The following KCNC4 variants were observed in gnomAD, a reference collection of about 807,000 sequenced individuals.
The protein encoded by KCNC4 is voltage-gated potassium channel KCNC4.
A neutral mutation model predicts 42.8 loss-of-function variants in KCNC4; 23 were observed. That is an observed-to-expected ratio of 0.54 (90% CI 0.39 to 0.76). KCNC4 has a LOEUF of 0.76. Among genes scored for constraint, KCNC4 ranks in the 30% least tolerant of loss-of-function variants. The pLI is 0.00. For synonymous variants in KCNC4, 422 were observed against 393.5 expected, an observed-to-expected ratio of 1.07 and a Z score of -0.86; for missense variants, 751 against 898.2, an observed-to-expected ratio of 0.84 and a Z score of 2.10.
At chr1:110,240,538 C>T (rs1659008748) in exon 4 of KCNC4, 1 of 152,444 alleles carries the variant, frequency 6.6e-6, no homozygotes, top group Non-Finnish European at 1.5e-5. Context: ...CTCCTTGCCT[C>T]AGCCCTGGGG....
At chr1:110,275,701 G>A (rs1659706654) in intron 1 of KCNC4, among the ~76,000 whole-genome samples, 1 of 152,170 alleles carries the variant, frequency 6.6e-6, no homozygotes, top group Admixed American at 6.5e-5. Context: ...GGATGTCCCT[G>A]TAATCCCAGC....
rs151032487 is a variant in KCNC4 at position 110,223,143 on chromosome 1, C to T, written c.858C>T (p.Gly286=). Residue 286 remains glycine (G), a synonymous_variant, in exon 2 of 4, where the codon GGC becomes GGT. Coordinates refer to ENST00000438661, the MANE Select transcript of KCNC4 (RefSeq NM_001039574.3). This position sits in a 1 kb window ranked among gnomAD's most constrained non-coding sequence, Gnocchi z 7.5. ...AGCCCATCCTGACCTACATCGAGGG[C>T]GTATGTGTGCTGTGGTTCACACTGG... is the stretch of plus-strand genomic sequence containing the variant. ...ETEPILTYIE[G]VCVLWFTLEF... The T allele has an allele frequency of 2.4e-4, 392 of 1,614,218 alleles. No individual in the cohort carries two copies. The highest frequency in any genetic ancestry group is 3.0e-4 in the Admixed American group (18 of 60,030).
At chr1:110,222,838 A>G in intron 1 of KCNC4, 126 bp from the exon 2 acceptor site, 1 of 669,124 alleles carries the variant, frequency 1.5e-6, no homozygotes, top group Admixed American at 2.6e-5. Flanking sequence ...CTGACTCCAT[A>G]CGTTAATCCC....
chr1:110,279,850 G>C (rs938546078), intron 1 of KCNC4, among the ~76,000 whole-genome samples: 1 of 141,720 alleles, frequency 7.1e-6, no homozygotes, highest in African/African-American at 2.7e-5. Flanking sequence ...CCGGGCTGGA[G>C]TGCAGTAGCA....
In KCNC4 at chr1:110,278,343, C is replaced by T. The variant is rs187389416; in HGVS notation, n.31-4191C>T. Among the ~76,000 whole-genome samples the T allele has an allele frequency of 2.5e-3, 384 of 152,216 alleles. 1 individual carries two copies. The highest frequency in any genetic ancestry group is 8.9e-3 in the African/African-American group (369 of 41,538). ...TGGTTTTGAACCAGGGGTGACTTTG[C>T]TTCCTGGGGACATTTGGTAGCATCT... On this transcript the variant is annotated intron_variant and non_coding_transcript_variant, in intron 1 of 2. Transcript: ENST00000412512.
intron 3 of KCNC4, among the ~76,000 whole-genome samples, chr1:110,227,290 G>C (rs1009369163): frequency 3.3e-5 from 5 of 152,124 alleles, no homozygotes; most frequent in African/African-American, 1.2e-4. Flanking sequence ...CCCGTGGCCT[G>C]CCAGCCCATG....
Position 110,233,550 on chromosome 1 carries a change from G to A in KCNC4, c.*578G>A, listed in dbSNP as rs1339807720. 1 of 155,468 alleles carries A rather than the reference G, an allele frequency of 6.4e-6. No homozygotes were observed. The highest frequency in any genetic ancestry group is 1.4e-5 in the Non-Finnish European group (1 of 70,052). The allele number at this position is 155,468 out of a possible 1,614,324, so 9.6% of individuals were successfully genotyped here. Reference sequence around the variant, plus strand: ...CCCACCCCACATCCTCGTTGTGGGGGGACTTCCAGGGGCTCCTCTGCAGCC... The same window carrying A: ...CCCACCCCACATCCTCGTTGTGGGGAGACTTCCAGGGGCTCCTCTGCAGCC... On this transcript the variant is annotated 3_prime_UTR_variant, in exon 4 of 4. Transcript: ENST00000438661.
At chr1:110,247,555 C>CTTTTTTTTTTT (rs772775867) in exon 4 of KCNC4, 2 of 52,350 alleles carry the variant, frequency 3.8e-5, no homozygotes, top group South Asian at 7.8e-4. Context: ...TTTCTTTTTT[C>CTTTTTTTTTTT]TTTTTTTTTT....
chr1:110,278,170 G>A (rs2101092322), intron 1 of KCNC4, among the ~76,000 whole-genome samples: 1 of 147,882 alleles, frequency 6.8e-6, no homozygotes, highest in Middle Eastern at 3.4e-3. Context: ...AAGGAAGGAA[G>A]GAAGGGAGGG....
intron 1 of KCNC4, among the ~76,000 whole-genome samples, chr1:110,278,200 A>T (rs543200564): frequency 1.6e-3 from 122 of 75,948 alleles, no homozygotes; most frequent in Admixed American, 2.7e-3. Context: ...CGGAAGGAGG[A>T]AAAAAAAAAG....
chr1:110,229,515 GTTC>G (rs1349113372), intron 3 of KCNC4, among the ~76,000 whole-genome samples: 6 of 152,164 alleles, frequency 3.9e-5, no homozygotes, highest in Non-Finnish European at 5.9e-5. Context: ...TTCTGCGACA[GTTC>G]TTCTTCCCTC....
chr1:110,242,895 G>A (rs1029367082), exon 4 of KCNC4: 1 of 152,188 alleles, frequency 6.6e-6, no homozygotes, highest in African/African-American at 2.4e-5. Context: ...CCAGCCCCTT[G>A]GCACCAGCAC....
intron 1 of KCNC4, among the ~76,000 whole-genome samples, chr1:110,216,660 A>G (rs1322547790): frequency 1.3e-5 from 2 of 152,128 alleles, no homozygotes; most frequent in African/African-American, 4.8e-5. Flanking sequence ...CCTTGAGGGT[A>G]GGAGACCCTG....
intron 1 of KCNC4, among the ~76,000 whole-genome samples, chr1:110,282,294 C>A (rs1438668556): frequency 1.3e-5 from 2 of 152,208 alleles, no homozygotes; most frequent in African/African-American, 4.8e-5. Context: ...GATGACTTCT[C>A]CCTCAGTGAG....
intron 3 of KCNC4, 47 bp from the exon 4 acceptor site, chr1:110,232,864 C>T (rs374068238): frequency 2.0e-4 from 308 of 1,577,062 alleles, no homozygotes; most frequent in Middle Eastern, 6.7e-4. Context: ...AATGTTGAGC[C>T]GAAAGCGTGC....
chr1:110,258,197 T>G (rs991483875), intron 1 of KCNC4, among the ~76,000 whole-genome samples: 3 of 152,178 alleles, frequency 2.0e-5, no homozygotes, highest in South Asian at 2.1e-4. Flanking sequence ...AGAATCTGTA[T>G]CTAGATTTGT....
rs754540651 is a variant in KCNC4 at position 110,223,048 on chromosome 1, C to T, written c.763C>T (p.Arg255Cys). The T allele has an allele frequency of 1.4e-5, 22 of 1,614,132 alleles. No homozygotes were observed. The highest frequency in any genetic ancestry group is 2.2e-5 in the East Asian group (1 of 44,880). ...LETHEAFNID[R>C]NVTEILRVGN... is the part of the protein sequence containing the mutation. ...GACCCATGAGGCCTTTAATATCGAC[C>T]GCAACGTGACAGAGATCCTCCGCGT... The change falls in exon 2 of 4, where the codon CGC becomes TGC. Residue 255 changes from arginine to cysteine, a missense_variant. By Grantham distance (180) the Arg-to-Cys change is radical. Transcript: ENST00000438661. This position sits in a 1 kb window ranked among gnomAD's most constrained non-coding sequence, Gnocchi z 7.5.
At chr1:110,256,190 T>G (rs908310020) in intron 1 of KCNC4, among the ~76,000 whole-genome samples, 1 of 152,182 alleles carries the variant, frequency 6.6e-6, no homozygotes, top group Non-Finnish European at 1.5e-5. Context: ...CCTCCTGCAT[T>G]CGACAAACAT....
At chr1:110,243,840 G>A (rs1158438696) in exon 4 of KCNC4, 1 of 152,252 alleles carries the variant, frequency 6.6e-6, no homozygotes, top group Non-Finnish European at 1.5e-5. Flanking sequence ...GGTGTCTGCT[G>A]AGCAAGCACG....
Sources: allele counts gnomAD v4.1 joint callset (sites outside exome capture counted in the v4.1 genomes callset), GRCh38; gene constraint gnomAD v4.1.1; non-coding constraint Gnocchi (gnomAD v3.1); transcripts MANE v1.5; gene names NCBI Gene and HGNC (gene_info 2026-07-23, HGNC 2026-07-21).